Variants in PTPRS observed in about 807,000 individuals in gnomAD.
PTPRS encodes the protein receptor-type tyrosine-protein phosphatase S.
In PTPRS, 63 loss-of-function variants were observed where a neutral mutation model predicts 215.3. The ratio of observed to expected loss-of-function variants is 0.29; its 90% confidence interval spans 0.24 to 0.36. The LOEUF is 0.36. Among genes scored for constraint, PTPRS ranks in the 10% least tolerant of loss-of-function variants. The pLI is 1.00. For synonymous variants in PTPRS, 1,404 were observed against 1,191.4 expected, an observed-to-expected ratio of 1.18 and a Z score of -3.68; for missense variants, 2,258 against 2,825.8, an observed-to-expected ratio of 0.80 and a Z score of 4.56.
At chr19:5,317,988 G>A (rs957929416) in intron 1 of PTPRS, among the ~76,000 whole-genome samples, 4 of 152,148 alleles carry the variant, frequency 2.6e-5, no homozygotes, top group African/African-American at 7.2e-5. Context: ...TGCTTCACAC[G>A]GTGAAACCCC....
At chr19:5,318,476 G>A (rs907740780) in intron 1 of PTPRS, among the ~76,000 whole-genome samples, 1 of 152,146 alleles carries the variant, frequency 6.6e-6, no homozygotes, top group African/African-American at 2.4e-5. Flanking sequence ...GTGTGACCCT[G>A]GGCAGGTGAC....
chr19:5,300,162 AC>A (rs1364961883), intron 1 of PTPRS, among the ~76,000 whole-genome samples: 2 of 150,840 alleles, frequency 1.3e-5, no homozygotes, highest in African/African-American at 4.9e-5. Context: ...AATTGCTAGA[AC>A]CCAGGAGGTG....
intron 13 of PTPRS, among the ~76,000 whole-genome samples, chr19:5,233,320 C>T (rs762816500): frequency 9.9e-5 from 15 of 151,814 alleles, no homozygotes; most frequent in Non-Finnish European, 2.1e-4. Flanking sequence ...CTACTATGTG[C>T]CAGGTACCAT....
intron 1 of PTPRS, among the ~76,000 whole-genome samples, chr19:5,292,249 C>T (rs1395719850): frequency 4.6e-5 from 7 of 152,208 alleles, no homozygotes; most frequent in East Asian, 1.9e-4. Flanking sequence ...GCATCCCTGG[C>T]GTCACCTGGG....
Position 5,294,363 on chromosome 19 carries a change from G to A in PTPRS, c.-94-8129C>T, listed in dbSNP as rs1313595544. On this transcript the variant is annotated intron_variant, in intron 1 of 37. Coordinates refer to ENST00000262963, the MANE Select transcript of PTPRS (RefSeq NM_002850.4). The surrounding 1 kb of genome is among the most constrained non-coding windows in gnomAD (Gnocchi z 5.1). ...ATTGGAACCAGGGTTTGGGTCCAGA[G>A]GAGGAGCTCTCACCACAGCGCTGCT... 3.9e-5 allele frequency: 6 copies of A among 152,450 alleles called. No homozygotes were observed. Among genetic ancestry groups the A allele is most frequent in the East Asian group, 3.8e-4 (2 of 5,198 alleles). 9.4% of individuals were successfully genotyped at this position (152,450 alleles called of 1,614,324 possible).
At position 5,212,159 on chromosome 19, in the gene PTPRS, C is replaced by T. The variant is rs1242977508; in HGVS notation, c.4861G>A (p.Val1621Met). The part of the protein sequence containing the change: ...PEKTVDVYGH[V>M]TLMRSQRNYM... Reference sequence around the variant, plus strand: ...TTGCGCTGGGACCTCATGAGCGTCACGTGGCCATAGACATCGACTGTCTTC... The same window carrying T: ...TTGCGCTGGGACCTCATGAGCGTCATGTGGCCATAGACATCGACTGTCTTC... Residue 1621 changes from valine to methionine, a missense_variant, in exon 32 of 38, where the codon GTG becomes ATG. By Grantham distance (21) the Val-to-Met change is conservative. Transcript: ENST00000262963. The T allele has an allele frequency of 4.3e-6, 7 of 1,614,072 alleles. No homozygotes were observed. The highest frequency in any genetic ancestry group is 5.1e-6 in the Non-Finnish European group (6 of 1,180,048).
intron 14 of PTPRS, among the ~76,000 whole-genome samples, chr19:5,230,201 G>A (rs2042901449): frequency 1.3e-5 from 2 of 152,216 alleles, no homozygotes; most frequent in African/African-American, 2.4e-5. Context: ...ATAAAGAAGA[G>A]CTGCTTCATT....
intron 1 of PTPRS, among the ~76,000 whole-genome samples, chr19:5,300,767 C>CAAAAAAAAA (rs59799136): frequency 2.0e-4 from 20 of 97,738 alleles, no homozygotes; most frequent in African/African-American, 5.1e-4. Flanking sequence ...GACTCCGTCT[C>CAAAAAAAAA]AAAAAAAAAA....
chr19:5,233,738 T>G (rs2043199018), intron 13 of PTPRS, among the ~76,000 whole-genome samples: 1 of 150,576 alleles, frequency 6.6e-6, no homozygotes, highest in Non-Finnish European at 1.5e-5. Flanking sequence ...GGTCAGGAGT[T>G]AGAGAGACCA....
Position 5,216,643 on chromosome 19 carries a change from G to A in PTPRS, c.4096+77C>T, listed in dbSNP as rs1042843090. The A allele has an allele frequency of 4.1e-6, 5 of 1,225,978 alleles. No individual in the cohort carries two copies. In the African/African-American group the frequency reaches 4.5e-5, roughly 11 times the overall value. The allele number at this position is 1,225,978 out of a possible 1,614,324, so 75.9% of individuals were successfully genotyped here. Reference sequence around the variant, plus strand: ...GGTGGGCGTGTGGACAGAGACAGGAGACACGATGGAGAAACCAAAGAGGAA... The same window carrying A: ...GGTGGGCGTGTGGACAGAGACAGGAAACACGATGGAGAAACCAAAGAGGAA... On this transcript the variant is annotated intron_variant, in intron 26 of 37. Coordinates refer to ENST00000262963, the MANE Select transcript of PTPRS (RefSeq NM_002850.4).
chr19:5,239,990 G>A (rs149414010), intron 12 of PTPRS, among the ~76,000 whole-genome samples: 157 of 152,258 alleles, frequency 1.0e-3, no homozygotes, highest in African/African-American at 3.7e-3. Flanking sequence ...GCCAGCAGCA[G>A]AGGAGAAAGA....
chr19:5,214,849 G>C, intron 28 of PTPRS, 113 bp from the exon 29 acceptor site: 1 of 1,090,586 alleles, frequency 9.2e-7, no homozygotes, highest in Admixed American at 2.6e-5. Flanking sequence ...TTGTCCCCAA[G>C]GTGACCATGG....
intron 13 of PTPRS, among the ~76,000 whole-genome samples, chr19:5,235,839 A>C (rs2043397814): frequency 6.6e-6 from 1 of 152,124 alleles, no homozygotes; most frequent in Admixed American, 6.5e-5. Flanking sequence ...ATTAAAGGGA[A>C]CTGTCTGTGT....
At chr19:5,214,027 C>T (rs936291429) in intron 30 of PTPRS, among the ~76,000 whole-genome samples, 1 of 152,208 alleles carries the variant, frequency 6.6e-6, no homozygotes, top group African/African-American at 2.4e-5. Context: ...CCTGCTGAGG[C>T]CCCCATCATA....
intron 1 of PTPRS, chr19:5,286,438 A>T (rs2048357471): frequency 1.2e-5 from 5 of 421,022 alleles, no homozygotes; most frequent in Non-Finnish European, 2.2e-5. Flanking sequence ...CCCACAAAAA[A>T]TCATATGTTG....
chr19:5,282,949 C>T (rs2047992597), intron 2 of PTPRS, among the ~76,000 whole-genome samples: 1 of 152,160 alleles, frequency 6.6e-6, no homozygotes, highest in Admixed American at 6.5e-5. Flanking sequence ...ACCACAAGTA[C>T]CGTGGATGTC....
intron 1 of PTPRS, among the ~76,000 whole-genome samples, chr19:5,331,128 TAAAAAAAAAAAA>T (rs1041351468): frequency 6.0e-5 from 6 of 100,160 alleles, no homozygotes; most frequent in African/African-American, 2.6e-4. Flanking sequence ...CTTCTTTTTT[TAAAAAAAAAAAA>T]AAAAAAAAAA....
rs563115267 is a variant in PTPRS, at chr19:5,261,950, GAT to G, written c.577+1012_577+1013del. On this transcript the variant is annotated intron_variant, in intron 6 of 37. Transcript: ENST00000262963. ...AGGCTGGCCTTTGCTAGGACACTGG[GAT>G]GACGATGGTGGAAGTCAGGGTTAAA... is the stretch of plus-strand genomic sequence containing the variant. Among the ~76,000 whole-genome samples the G allele has an allele frequency of 9.7e-4, 148 of 152,340 alleles. 1 individual carries two copies. In the Middle Eastern group the frequency reaches 0.024, roughly 25 times the overall value.
intron 1 of PTPRS, among the ~76,000 whole-genome samples, chr19:5,334,864 C>T (rs11672022): frequency 0.095 from 14,462 of 152,206 alleles, 911 homozygotes; most frequent in Non-Finnish European, 0.14. Context: ...TGACAGGGGA[C>T]GGCAGGTTGG....
Sources: gnomAD v4.1 joint callset for allele counts (sites outside exome capture counted in the v4.1 genomes callset) on GRCh38, gnomAD v4.1.1 for gene constraint, Gnocchi (gnomAD v3.1) non-coding constraint, MANE v1.5 for transcripts, NCBI Gene and HGNC (gene_info 2026-07-23, HGNC 2026-07-21) for gene names.